The following WDFY3 variants were observed in gnomAD, a reference collection of about 807,000 sequenced individuals.
WDFY3 encodes the protein WD repeat and FYVE domain-containing protein 3.
Under a neutral mutation model 409.6 loss-of-function variants are expected in WDFY3, and 66 were observed. The ratio of observed to expected loss-of-function variants is 0.16; its 90% CI spans 0.13 to 0.20. The LOEUF (loss-of-function observed/expected upper bound fraction) is 0.20, where lower values mean the gene tolerates loss of function less well. Among genes scored for constraint, WDFY3 ranks in the 10% least tolerant of loss-of-function variants. The pLI, the probability that WDFY3 is intolerant of heterozygous loss-of-function variation, is 1.00. For missense variants in WDFY3, 3,031 were observed against 4,298.1 expected, an observed-to-expected ratio of 0.71 and a Z score of 8.24; for synonymous variants, 1,521 against 1,537.1, an observed-to-expected ratio of 0.99 and a Z score of 0.25.
chr4:84,751,274 A>C, intron 36 of WDFY3: 4 of 599,184 alleles, frequency 6.7e-6, no homozygotes, highest in South Asian at 6.1e-5. Flanking sequence ...AAAGGACTGA[A>C]TTAGAGACAT....
At chr4:84,864,721 C>T (rs746875102) in intron 3 of WDFY3, among the ~76,000 whole-genome samples, 1 of 152,124 alleles carries the variant, frequency 6.6e-6, no homozygotes, top group African/African-American at 2.4e-5. Context: ...TCCAGGCCTT[C>T]CAACTCCCAG....
chr4:84,760,482 T>A (rs1358612193), intron 32 of WDFY3, among the ~76,000 whole-genome samples: 1 of 151,330 alleles, frequency 6.6e-6, no homozygotes, highest in Non-Finnish European at 1.5e-5. Flanking sequence ...CAATTTCAGA[T>A]CCTGTTATTG....
At chr4:84,730,609 T>C (rs1208400183) in intron 44 of WDFY3, among the ~76,000 whole-genome samples, 1 of 152,126 alleles carries the variant, frequency 6.6e-6, no homozygotes, top group Non-Finnish European at 1.5e-5. Context: ...GGGATAACAA[T>C]ATTAACTGTA....
Position 84,679,219 on chromosome 4 carries a change from T to C in WDFY3, c.9847A>G (p.Ser3283Gly). 1 of 1,560,514 alleles carries C rather than the reference T, an allele frequency of 6.4e-7. No homozygotes were observed. The highest frequency in any genetic ancestry group is 8.7e-7 in the Non-Finnish European group (1 of 1,148,816). ...QIGQEAQDED[S>G]SDSEADEQSI... Reference sequence around the variant, plus strand: ...TGCTCATCTGCTTCTGAATCACTGCTGTCCTCGTCTTGGGCTTCCTGCCCT... The same window carrying C: ...TGCTCATCTGCTTCTGAATCACTGCCGTCCTCGTCTTGGGCTTCCTGCCCT... The change falls in exon 65 of 68, where the codon AGC (serine) becomes GGC (glycine). Residue 3283 changes from serine to glycine, a missense_variant. Physicochemically the swap from Ser to Gly is moderately conservative, Grantham distance 56. Coordinates refer to ENST00000295888, the MANE Select transcript of WDFY3 (RefSeq NM_014991.6).
intron 3 of WDFY3, among the ~76,000 whole-genome samples, chr4:84,866,510 A>T (rs1761414525): frequency 6.6e-6 from 1 of 152,218 alleles, no homozygotes; most frequent in South Asian, 2.1e-4. Context: ...CCTAGATGGA[A>T]GGGGAAAGTG....
At chr4:84,811,787 T>G (rs890913905) in intron 13 of WDFY3, among the ~76,000 whole-genome samples, 3 of 152,208 alleles carry the variant, frequency 2.0e-5, no homozygotes, top group African/African-American at 7.2e-5. Flanking sequence ...ACATACAGGT[T>G]GAATATCCAT....
At chr4:84,848,524 G>A (rs1330665206) in intron 5 of WDFY3, among the ~76,000 whole-genome samples, 1 of 152,104 alleles carries the variant, frequency 6.6e-6, no homozygotes, top group Non-Finnish European at 1.5e-5. Flanking sequence ...CTCAACCCAT[G>A]GTCAACTTTC....
At chr4:84,893,409 A>G (rs1191218545) in intron 3 of WDFY3, among the ~76,000 whole-genome samples, 1 of 151,306 alleles carries the variant, frequency 6.6e-6, no homozygotes, top group East Asian at 1.9e-4. Context: ...GTTTGGGATT[A>G]CTGTTTTCTC....
intron 4 of WDFY3, among the ~76,000 whole-genome samples, chr4:84,858,870 G>A (rs1760139896): frequency 6.6e-6 from 1 of 151,810 alleles, no homozygotes; most frequent in South Asian, 2.1e-4. Flanking sequence ...ACAGGGGAGA[G>A]TCAGAGACAG....
intron 1 of WDFY3, among the ~76,000 whole-genome samples, chr4:84,956,717 T>C (rs181614115): frequency 3.4e-4 from 52 of 152,290 alleles, no homozygotes; most frequent in African/African-American, 1.2e-3. Flanking sequence ...ATTATTATAG[T>C]ACCACCTATG....
intron 3 of WDFY3, among the ~76,000 whole-genome samples, chr4:84,885,232 T>C (rs1429921593): frequency 6.6e-6 from 1 of 151,962 alleles, no homozygotes; most frequent in African/African-American, 2.4e-5. Context: ...CTTGAACTCC[T>C]GACCTCAAGT....
chr4:84,862,240 TCAGA>T (rs1381374142), intron 3 of WDFY3, among the ~76,000 whole-genome samples: 2 of 151,944 alleles, frequency 1.3e-5, no homozygotes, highest in South Asian at 2.1e-4. Flanking sequence ...TGAAGAGGAG[TCAGA>T]CAAATTCTGC....
intron 4 of WDFY3, among the ~76,000 whole-genome samples, chr4:84,859,096 G>T: frequency 6.6e-6 from 1 of 152,050 alleles, no homozygotes; most frequent in Non-Finnish European, 1.5e-5. Flanking sequence ...GGAGGAAAAA[G>T]AGCGAGAGAA....
At chr4:84,787,011 C>G (rs1747673286) in intron 23 of WDFY3, among the ~76,000 whole-genome samples, 1 of 151,988 alleles carries the variant, frequency 6.6e-6, no homozygotes, top group African/African-American at 2.4e-5. Context: ...TCCTCTGAGT[C>G]TAAATTTCAT....
intron 56 of WDFY3, among the ~76,000 whole-genome samples, chr4:84,701,391 C>A (rs1046962841): frequency 6.6e-6 from 1 of 152,126 alleles, no homozygotes; most frequent in African/African-American, 2.4e-5. Context: ...TAAAAATTAT[C>A]TTTAGAAAAC....
intron 1 of WDFY3, among the ~76,000 whole-genome samples, chr4:84,956,427 A>G (rs563743228): frequency 6.6e-6 from 1 of 152,298 alleles, no homozygotes; most frequent in African/African-American, 2.4e-5. Context: ...CCAAAGACAC[A>G]GCTCTCTACT....
rs1734062511 is a variant in WDFY3, at chr4:84,717,078, T to A, written c.7755-62A>T. On this transcript the variant is annotated intron_variant, in intron 48 of 67. Coordinates refer to ENST00000295888, the MANE Select transcript of WDFY3 (RefSeq NM_014991.6). ...AGCAAGGGATAAATTCACTGTTCCA[T>A]AAAGGGCGTGCTAATTTTAAACACA... 3 of 1,460,222 alleles carry A rather than the reference T, an allele frequency of 2.1e-6. No homozygotes were observed. In the South Asian group the frequency reaches 4.6e-5, roughly 23 times the overall value. 90.5% of individuals were successfully genotyped at this position (1,460,222 alleles called of 1,614,324 possible).
chr4:84,789,057 T>C (rs1385358784), intron 22 of WDFY3, among the ~76,000 whole-genome samples: 1 of 151,918 alleles, frequency 6.6e-6, no homozygotes, highest in African/African-American at 2.4e-5. Context: ...TAAAATAAAA[T>C]AAAATGAATA....
chr4:84,837,089 TTC>T lies in WDFY3; in HGVS notation c.415-1_415del. The stretch of plus-strand genomic sequence containing the variant: ...CATTGTTGTCATGCAGTCCACGGTT[TTC>T]TGGAAAACAAGCCAATAAATAAGTG... On this transcript the variant is annotated splice_acceptor_variant and coding_sequence_variant, in exon 7 of 68. Coordinates refer to ENST00000295888, the MANE Select transcript of WDFY3 (RefSeq NM_014991.6). LOFTEE classifies it high-confidence loss of function. The T allele has an allele frequency of 6.6e-7, 1 of 1,504,142 alleles. No homozygotes were observed. Among genetic ancestry groups the T allele is most frequent in the Non-Finnish European group, 8.9e-7 (1 of 1,120,870 alleles). 93.2% of individuals were successfully genotyped at this position (1,504,142 alleles called of 1,614,324 possible).
Sources: allele counts gnomAD v4.1 joint callset (sites outside exome capture counted in the v4.1 genomes callset), GRCh38; gene constraint gnomAD v4.1.1; transcripts MANE v1.5; gene names NCBI Gene and HGNC (gene_info 2026-07-23, HGNC 2026-07-21).